The following CEP164 variants were observed in gnomAD, a reference collection of about 807,000 sequenced individuals.
CEP164 encodes the protein centrosomal protein of 164 kDa.
A neutral mutation model predicts 182.7 loss-of-function variants in CEP164; 162 were observed. That is an observed-to-expected ratio of 0.89 (90% confidence interval 0.78 to 1.01). CEP164 has a LOEUF of 1.01. Among genes scored for constraint, CEP164 ranks in the 50% least tolerant of loss-of-function variants. CEP164 has a pLI of 0.00. For missense variants in CEP164, 1,735 were observed against 1,790.4 expected, an observed-to-expected ratio of 0.97 and a Z score of 0.56; for synonymous variants, 661 against 690.0, an observed-to-expected ratio of 0.96 and a Z score of 0.66.
chr11:117,400,007 A>T (rs1565609847), intron 27 of CEP164, among the ~76,000 whole-genome samples: 1 of 152,076 alleles, frequency 6.6e-6, no homozygotes, highest in African/African-American at 2.4e-5. Context: ...CTCATTTGTC[A>T]ATTTTGGCTT....
chr11:117,392,585 A>G lies in CEP164; in HGVS notation c.2451A>G (p.Arg817=), dbSNP rs1258333617. 1 of 1,614,182 alleles carries G rather than the reference A, an allele frequency of 6.2e-7. No homozygotes were observed. The highest frequency in any genetic ancestry group is 1.1e-5 in the South Asian group (1 of 91,088). Residue 817 remains arginine, a synonymous_variant, in exon 19 of 33, where the codon AGA becomes AGG. Transcript: ENST00000278935. The part of the protein sequence containing the change: ...LQKCLGQVEH[R]VHQKSYHVAG... ...AGTGCCTTGGGCAAGTGGAGCACAG[A>G]GTTCACCAGAAGTCTTATCACGTGG... is the stretch of plus-strand genomic sequence containing the variant.
At chr11:117,336,237 G>A (rs893785480) in intron 2 of CEP164, 2 of 1,593,426 alleles carry the variant, frequency 1.3e-6, no homozygotes, top group African/African-American at 2.7e-5. Context: ...AGGAGAAAGA[G>A]GAGGAGGAAT....
intron 2 of CEP164, among the ~76,000 whole-genome samples, 185 bp downstream of exon 2, chr11:117,335,865 C>T (rs1430362863): frequency 2.0e-5 from 3 of 152,044 alleles, no homozygotes; most frequent in Non-Finnish European, 4.4e-5. Flanking sequence ...CACAAACCTC[C>T]CCAATCACAA....
In CEP164 at chr11:117,346,115, T is replaced by G. The variant is rs958313750; in HGVS notation, c.194+1838T>G. ...TGTTTGTAGGATGAATTTATAGGAG[T>G]GGCTTCTGTTTCCAGTACCTAGCTT... On this transcript the variant is annotated intron_variant, in intron 4 of 32. Coordinates refer to ENST00000278935, the MANE Select transcript of CEP164 (RefSeq NM_014956.5). Among the ~76,000 whole-genome samples, 3 of 152,098 alleles carry G rather than the reference T, an allele frequency of 2.0e-5. No individual in the cohort carries two copies. The South Asian group carries it at 6.2e-4, about 32-fold the overall frequency.
intron 27 of CEP164, 32 bp downstream of exon 27, chr11:117,397,345 T>C: frequency 6.3e-7 from 1 of 1,589,872 alleles, no homozygotes; most frequent in Non-Finnish European, 8.6e-7. Context: ...CTGCCAGCCC[T>C]GTGTGGGGGA....
At chr11:117,410,636 C>T (rs2047246890) in intron 30 of CEP164, 192 bp from the exon 31 acceptor site, 1 of 514,642 alleles carries the variant, frequency 1.9e-6, no homozygotes, top group Non-Finnish European at 3.5e-6. Flanking sequence ...TTCTTTTTGC[C>T]CTAACCCAAA....
In CEP164 at chr11:117,371,353, G is replaced by A; in HGVS notation, c.1039G>A (p.Ala347Thr). 1 of 1,614,260 alleles carries A rather than the reference G, an allele frequency of 6.2e-7. No homozygotes were observed. Among genetic ancestry groups the A allele is most frequent in the Non-Finnish European group, 8.5e-7 (1 of 1,180,050 alleles). Reference protein sequence around the residue: ...SEPAKASEKEAPEDTVDAGEE... With the variant: ...SEPAKASEKETPEDTVDAGEE... ...GCCTGCCAAAGCCTCTGAAAAGGAA[G>A]CACCAGAGGACACAGTAGATGCAGG... The change falls in exon 9 of 33, where the codon GCA (alanine) becomes ACA (threonine). Residue 347 changes from alanine to threonine, a missense_variant. By Grantham distance (58) the Ala-to-Thr change is moderately conservative. Coordinates refer to ENST00000278935, the MANE Select transcript of CEP164 (RefSeq NM_014956.5).
intron 5 of CEP164, among the ~76,000 whole-genome samples, chr11:117,357,493 G>A (rs541269772): frequency 6.6e-6 from 1 of 151,060 alleles, no homozygotes; most frequent in South Asian, 2.1e-4. Context: ...GCCATCTCAG[G>A]TCATTGCAAC....
intron 9 of CEP164, among the ~76,000 whole-genome samples, chr11:117,373,212 C>G (rs1350856655): frequency 6.6e-6 from 1 of 152,014 alleles, no homozygotes; most frequent in East Asian, 1.9e-4. Context: ...ACTAAAAATA[C>G]AAAAATTAGC....
At chr11:117,353,931 T>TA (rs757663310) in intron 5 of CEP164, among the ~76,000 whole-genome samples, 3 of 152,208 alleles carry the variant, frequency 2.0e-5, no homozygotes, top group African/African-American at 7.2e-5. Context: ...GGTCATTTGT[T>TA]ATGCTTCTCT....
In CEP164 at chr11:117,351,893, C is replaced by T. The variant is rs2039679465; in HGVS notation, c.298C>T (p.Arg100Trp). Reference sequence around the variant, plus strand: ...CTATCGGAGCTTGGTGATCCAAGAGCGGGCAAAGCTGTCAACTTCTGGGGC... The same window carrying T: ...CTATCGGAGCTTGGTGATCCAAGAGTGGGCAAAGCTGTCAACTTCTGGGGC... ...EHYRSLVIQE[R>W]AKLSTSGAIK... Residue 100 changes from arginine (R) to tryptophan (W), a missense_variant, in exon 5 of 33, where the codon CGG (arginine) becomes TGG (tryptophan). Transcript: ENST00000278935. 7 of 1,612,754 alleles carry T rather than the reference C, an allele frequency of 4.3e-6. No homozygotes were observed. Among genetic ancestry groups the T allele is most frequent in the Non-Finnish European group, 5.9e-6 (7 of 1,179,790 alleles).
At chr11:117,342,060 T>G (rs569878376) in intron 3 of CEP164, among the ~76,000 whole-genome samples, 19 of 152,224 alleles carry the variant, frequency 1.2e-4, no homozygotes, top group Non-Finnish European at 2.2e-4. Context: ...ATTTACTTCC[T>G]TCTTGCATTT....
intron 27 of CEP164, among the ~76,000 whole-genome samples, chr11:117,403,953 A>G (rs1029197268): frequency 2.0e-5 from 3 of 151,748 alleles, no homozygotes; most frequent in African/African-American, 4.8e-5. Context: ...GCAGCTATTT[A>G]TACTTGTATA....
chr11:117,388,712 G>A (rs1220985980), intron 15 of CEP164, among the ~76,000 whole-genome samples: 1 of 152,040 alleles, frequency 6.6e-6, no homozygotes, highest in Non-Finnish European at 1.5e-5. Context: ...ATAGGACAAA[G>A]AGAAAAGGTT....
chr11:117,322,896 G>C (rs2134522827), upstream of CEP164, among the ~76,000 whole-genome samples: 1 of 150,672 alleles, frequency 6.6e-6, no homozygotes, highest in Non-Finnish European at 1.5e-5. Context: ...CTCCTAAGTA[G>C]CTGGGACTAC....
chr11:117,363,386 C>A (rs764300163), intron 7 of CEP164, 43 bp from the exon 8 acceptor site: 5 of 1,455,480 alleles, frequency 3.4e-6, no homozygotes, highest in Non-Finnish European at 4.8e-6. Context: ...CTGGGTTGAC[C>A]AGTTTCTTCA....
At chr11:117,367,147 T>C (rs1388661665) in intron 8 of CEP164, among the ~76,000 whole-genome samples, 3 of 152,150 alleles carry the variant, frequency 2.0e-5, no homozygotes, top group Non-Finnish European at 2.9e-5. Context: ...TGGTTGGAGC[T>C]TCAGGCCTTG....
At position 117,392,250 on chromosome 11, in the gene CEP164, C is replaced by A; in HGVS notation, c.2308C>A (p.His770Asn). 2 of 1,610,398 alleles carry A rather than the reference C, an allele frequency of 1.2e-6. No homozygotes were observed. The highest frequency in any genetic ancestry group is 4.5e-5 in the East Asian group (2 of 44,828). Residue 770 changes from histidine to asparagine, a missense_variant, in exon 18 of 33, where the codon CAC becomes AAC. His to Asn is a moderately conservative substitution (Grantham distance 68). Transcript: ENST00000278935. ...KEAVATLEKE[H>N]SAELERLCSS... is the part of the protein sequence containing the mutation. Reference sequence around the variant, plus strand: ...GGCTGTGGCAACGCTGGAGAAGGAGCACAGTGCTGAGCTGGAGCGGCTCTG... The same window carrying A: ...GGCTGTGGCAACGCTGGAGAAGGAGAACAGTGCTGAGCTGGAGCGGCTCTG...
upstream of CEP164, among the ~76,000 whole-genome samples, chr11:117,324,910 CAA>C (rs2035373979): frequency 6.6e-6 from 1 of 152,050 alleles, no homozygotes; most frequent in Non-Finnish European, 1.5e-5. Flanking sequence ...AACAAACAAA[CAA>C]ACAAAAAACC....
Sources: gnomAD v4.1 joint callset for allele counts (sites outside exome capture counted in the v4.1 genomes callset) on GRCh38, gnomAD v4.1.1 for gene constraint, MANE v1.5 for transcripts, NCBI Gene and HGNC (gene_info 2026-07-23, HGNC 2026-07-21) for gene names.